The following PTK2 variants were observed in gnomAD, a reference collection of about 807,000 sequenced individuals.
The protein encoded by PTK2 is focal adhesion kinase 1.
In PTK2, 45 loss-of-function variants were observed where a neutral mutation model predicts 150.1. The observed-to-expected ratio is 0.30, with a 90% confidence interval of 0.24 to 0.38. PTK2 has a LOEUF of 0.38. Ranked by LOEUF, PTK2 falls within the 10% of genes least tolerant of loss-of-function variation. The pLI, the probability that PTK2 is intolerant of heterozygous loss-of-function variation, is 1.00. For missense variants in PTK2, 919 were observed against 1,307.3 expected, an observed-to-expected ratio of 0.70 and a Z score of 4.58; for synonymous variants, 432 against 449.2, an observed-to-expected ratio of 0.96 and a Z score of 0.48.
intron 4 of PTK2, among the ~76,000 whole-genome samples, chr8:140,878,843 G>GT (rs2100147218): frequency 8.4e-6 from 1 of 118,562 alleles, no homozygotes; most frequent in South Asian, 2.8e-4. Context: ...TTGCTTAGTA[G>GT]TAAAAAAAAA....
intron 7 of PTK2, among the ~76,000 whole-genome samples, chr8:140,841,833 T>C (rs977567913): frequency 2.0e-5 from 3 of 152,016 alleles, no homozygotes; most frequent in South Asian, 2.1e-4. Flanking sequence ...TCACCAGTAA[T>C]CAAACTAATA....
intron 1 of PTK2, among the ~76,000 whole-genome samples, chr8:140,951,906 A>AT (rs1051099616): frequency 6.7e-5 from 10 of 150,312 alleles, no homozygotes; most frequent in Non-Finnish European, 1.5e-4. Flanking sequence ...TAAAAAAAAA[A>AT]AAATTTTTTT....
At chr8:140,962,219 TAA>T (rs60163670) in intron 1 of PTK2, among the ~76,000 whole-genome samples, 3 of 93,638 alleles carry the variant, frequency 3.2e-5, no homozygotes, top group Admixed American at 1.3e-4. Flanking sequence ...TCTCAAAATT[TAA>T]AAAAAAAAAA....
At position 140,939,097 on chromosome 8, in the gene PTK2, G is replaced by T. The variant is rs546112976; in HGVS notation, c.-121-13348C>A. Among the ~76,000 whole-genome samples, 5 of 152,186 alleles carry T rather than the reference G, an allele frequency of 3.3e-5. No homozygotes were observed. The South Asian group carries it at 8.3e-4, about 25-fold the overall frequency. On this transcript the variant is annotated intron_variant, in intron 1 of 31. Transcript: ENST00000522684. ...GTTGGGGAAGAAAAGGAAAGGGCTGGGGGCAAACAAAGGATACATCTTCTT... is the reference window on the plus strand; with the variant it reads ...GTTGGGGAAGAAAAGGAAAGGGCTGTGGGCAAACAAAGGATACATCTTCTT...
At chr8:140,902,376 G>A (rs554300775) in intron 2 of PTK2, among the ~76,000 whole-genome samples, 2 of 151,628 alleles carry the variant, frequency 1.3e-5, no homozygotes, top group African/African-American at 4.9e-5. Flanking sequence ...TGGACATCTG[G>A]GTTGGTTCCA....
intron 1 of PTK2, among the ~76,000 whole-genome samples, chr8:140,997,112 T>C (rs2100198093): frequency 6.6e-6 from 1 of 152,192 alleles, no homozygotes; most frequent in African/African-American, 2.4e-5. Flanking sequence ...ATTCACGACT[T>C]CAGTAGAGAA....
At chr8:140,920,757 T>G in intron 2 of PTK2, 1 of 1,335,332 alleles carries the variant, frequency 7.5e-7, no homozygotes. Flanking sequence ...TATCTACCTT[T>G]TCGGTGCAAA....
chr8:140,715,155 GTTTTTTTTTTTTTTTTT>G (rs67306225), intron 23 of PTK2, among the ~76,000 whole-genome samples: 18 of 56,016 alleles, frequency 3.2e-4, no homozygotes, highest in South Asian at 7.7e-4. Flanking sequence ...CATTAAAACC[GTTTTTTTTTTTTTTTTT>G]TTTTTTTTTT....
chr8:140,885,828 A>G (rs1013179470), intron 3 of PTK2, among the ~76,000 whole-genome samples: 1 of 152,026 alleles, frequency 6.6e-6, no homozygotes, highest in Non-Finnish European at 1.5e-5. Context: ...GATGGGGGAG[A>G]TGGGTGAGAC....
At chr8:140,687,253 G>C (rs1033068314) in intron 26 of PTK2, 1 of 153,786 alleles carries the variant, frequency 6.5e-6, no homozygotes, top group African/African-American at 2.4e-5. Flanking sequence ...AGGGCAGAAA[G>C]GCTTTTCCTC....
chr8:140,695,613 G>A (rs2153984061), intron 26 of PTK2, among the ~76,000 whole-genome samples: 1 of 152,226 alleles, frequency 6.6e-6, no homozygotes, highest in Non-Finnish European at 1.5e-5. Context: ...GTTTGGCCAT[G>A]TTGGTCTTGA....
At chr8:140,759,854 C>T (rs541536358) in intron 16 of PTK2, among the ~76,000 whole-genome samples, 3 of 150,980 alleles carry the variant, frequency 2.0e-5, no homozygotes, top group South Asian at 4.2e-4. Context: ...CACCCACACA[C>T]ACACACACAC....
chr8:140,804,398 C>A (rs528053012), intron 10 of PTK2, among the ~76,000 whole-genome samples: 1 of 150,636 alleles, frequency 6.6e-6, no homozygotes, highest in African/African-American at 2.4e-5. Flanking sequence ...GCAGCCTGGG[C>A]AACATAGTGA....
In PTK2 at chr8:140,925,751, T is replaced by G; in HGVS notation, c.-121-2A>C. On this transcript the variant is annotated splice_acceptor_variant, in intron 1 of 31. Coordinates refer to ENST00000522684, the Ensembl canonical transcript of PTK2. LOFTEE classifies it low-confidence loss of function (5UTR_SPLICE). ...GATGCAAGGGAGCCCCAGTTCTGCC[T>G]GTGAGACAAAGAAAATCATTTCAAA... The G allele has an allele frequency of 4.3e-6, 3 of 691,894 alleles. No individual in the cohort carries two copies. Among genetic ancestry groups the G allele is most frequent in the Non-Finnish European group, 5.3e-6 (3 of 562,078 alleles). The allele number at this position is 691,894 out of a possible 1,614,324, so 42.9% of individuals were successfully genotyped here. A position where few individuals can be genotyped will look rare whatever the true frequency, so the allele number is the denominator to read the frequency against.
At chr8:140,752,129 C>T (rs2100063070) in intron 17 of PTK2, 103 bp downstream of exon 20, 4 of 961,192 alleles carry the variant, frequency 4.2e-6, no homozygotes, top group Admixed American at 2.0e-5. Context: ...ACATAGTTGT[C>T]TCCTAAAAGT....
chr8:140,970,103 C>T (rs924355815), intron 1 of PTK2, among the ~76,000 whole-genome samples: 6 of 152,266 alleles, frequency 3.9e-5, no homozygotes, highest in Non-Finnish European at 8.8e-5. Context: ...CAAGAACCAT[C>T]CACTTCAACC....
intron 12 of PTK2, chr8:140,799,430 T>C (rs1288195047): frequency 1.3e-5 from 2 of 152,552 alleles, no homozygotes; most frequent in African/African-American, 4.8e-5. Flanking sequence ...TCCTAGTCAC[T>C]GAGGTGAGTG....
At chr8:140,671,660 T>A (rs57119375) in intron 29 of PTK2, among the ~76,000 whole-genome samples, 1 of 148,258 alleles carries the variant, frequency 6.7e-6, no homozygotes, top group African/African-American at 2.5e-5. Context: ...ATGCCTGTAA[T>A]CCCAGCACTT....
chr8:140,926,279 C>A (rs1489905573), intron 1 of PTK2, among the ~76,000 whole-genome samples: 1 of 152,186 alleles, frequency 6.6e-6, no homozygotes, highest in Non-Finnish European at 1.5e-5. Context: ...AATTAAGTAA[C>A]ATATCTAATA....
Sources: allele counts gnomAD v4.1 joint callset (sites outside exome capture counted in the v4.1 genomes callset), GRCh38; gene constraint gnomAD v4.1.1; transcripts MANE v1.5; gene names NCBI Gene and HGNC (gene_info 2026-07-23, HGNC 2026-07-21).